Variants in CCBE1 observed in about 807,000 individuals in gnomAD.
CCBE1 encodes the protein collagen and calcium binding EGF domains 1.
CCBE1 carries 37 observed loss-of-function variants against 50.0 expected under a neutral mutation model. That is an observed-to-expected ratio of 0.74 (90% confidence interval 0.57 to 0.97). The LOEUF is 0.97. Among genes scored for constraint, CCBE1 ranks in the 50% least tolerant of loss-of-function variants. The pLI is 0.00. For synonymous variants in CCBE1, 234 were observed against 203.7 expected (o/e 1.15, Z -1.27); for missense variants, 538 against 523.8 (o/e 1.03, Z -0.26).
chr18:59,477,379 A>G (rs181337511), intron 3 of CCBE1, among the ~76,000 whole-genome samples: 31 of 152,358 alleles, frequency 2.0e-4, no homozygotes, highest in African/African-American at 7.5e-4. Context: ...AAGAACCACG[A>G]TCAGGCGAGG....
At chr18:59,563,157 A>T (rs1323611856) in intron 2 of CCBE1, among the ~76,000 whole-genome samples, 1 of 152,204 alleles carries the variant, frequency 6.6e-6, no homozygotes, top group African/African-American at 2.4e-5. Flanking sequence ...GCAGAGGTAA[A>T]GGTACAGGTC....
chr18:59,633,910 A>C (rs989171577), intron 2 of CCBE1, among the ~76,000 whole-genome samples: 3 of 152,236 alleles, frequency 2.0e-5, no homozygotes, highest in Non-Finnish European at 4.4e-5. Context: ...TGTTTATCAA[A>C]TTATAGATAC....
At chr18:59,658,374 T>A (rs1599109375) in intron 2 of CCBE1, among the ~76,000 whole-genome samples, 2 of 7,272 alleles carry the variant, frequency 2.8e-4, no homozygotes, top group African/African-American at 9.5e-4. Flanking sequence ...TATATATATA[T>A]ATATATATAT....
chr18:59,521,392 G>T (rs755039294), intron 2 of CCBE1, among the ~76,000 whole-genome samples: 9 of 152,168 alleles, frequency 5.9e-5, no homozygotes, highest in Non-Finnish European at 1.0e-4. Flanking sequence ...TGGATTGCAG[G>T]TGATTCTGGA....
At chr18:59,603,808 T>C (rs554741953) in intron 2 of CCBE1, among the ~76,000 whole-genome samples, 1 of 152,322 alleles carries the variant, frequency 6.6e-6, no homozygotes, top group South Asian at 2.1e-4. Context: ...AAGAGGAAGA[T>C]ACAAAGCAGC....
At chr18:59,648,443 C>T (rs541503392) in intron 2 of CCBE1, among the ~76,000 whole-genome samples, 162 of 152,310 alleles carry the variant, frequency 1.1e-3, no homozygotes, top group African/African-American at 3.6e-3. Flanking sequence ...TGGGGGCTCA[C>T]ACCTGTAGCC....
intron 2 of CCBE1, among the ~76,000 whole-genome samples, chr18:59,659,787 C>T (rs1292712234): frequency 6.6e-6 from 1 of 152,200 alleles, no homozygotes; most frequent in Non-Finnish European, 1.5e-5. Context: ...ACTTTTCCCA[C>T]TGCCAGCAAT....
intron 2 of CCBE1, among the ~76,000 whole-genome samples, chr18:59,623,327 C>T (rs1238934532): frequency 6.6e-6 from 1 of 152,212 alleles, no homozygotes; most frequent in Non-Finnish European, 1.5e-5. Context: ...TTTCTCCTCC[C>T]TTAATCAGTC....
At chr18:59,592,092 T>A (rs1419583360) in intron 2 of CCBE1, among the ~76,000 whole-genome samples, 1 of 152,154 alleles carries the variant, frequency 6.6e-6, no homozygotes, top group African/African-American at 2.4e-5. Context: ...GGCATCATAA[T>A]GTGCACCTGT....
At chr18:59,641,680 A>G (rs1013376765) in intron 2 of CCBE1, among the ~76,000 whole-genome samples, 1 of 152,240 alleles carries the variant, frequency 6.6e-6, no homozygotes, top group Non-Finnish European at 1.5e-5. Context: ...TACCAAAGAT[A>G]CATAAACATA....
intron 2 of CCBE1, among the ~76,000 whole-genome samples, chr18:59,632,613 G>C (rs147048062): frequency 6.6e-6 from 1 of 151,530 alleles, no homozygotes; most frequent in East Asian, 1.9e-4. Context: ...TTTTGAGATG[G>C]AGTCTTACTC....
intron 2 of CCBE1, among the ~76,000 whole-genome samples, chr18:59,548,031 A>T (rs1235183478): frequency 2.0e-5 from 3 of 152,232 alleles, no homozygotes; most frequent in Admixed American, 6.5e-5. Flanking sequence ...GAAGTGCTTT[A>T]AAGAACCGAA....
At chr18:59,465,532 T>C (rs1911700781) in intron 5 of CCBE1, 1 of 152,228 alleles carries the variant, frequency 6.6e-6, no homozygotes. Flanking sequence ...GCCCAGCTTT[T>C]AGAAATTTTC....
intron 3 of CCBE1, among the ~76,000 whole-genome samples, chr18:59,471,700 T>G (rs1319950760): frequency 6.6e-6 from 1 of 152,226 alleles, no homozygotes; most frequent in East Asian, 1.9e-4. Flanking sequence ...ATTATTCCTG[T>G]GTCAGTTGCC....
chr18:59,602,114 CT>C (rs369248982), intron 2 of CCBE1, among the ~76,000 whole-genome samples: 11,700 of 142,664 alleles, frequency 0.082, 1,144 homozygotes, highest in African/African-American at 0.24. Flanking sequence ...ATGTGAATTC[CT>C]TTTTTTTTTT....
At chr18:59,551,023 A>AAAAAAAAAAAAGAAAAAAG (rs1915904169) in intron 2 of CCBE1, among the ~76,000 whole-genome samples, 1 of 141,506 alleles carries the variant, frequency 7.1e-6, no homozygotes, top group African/African-American at 2.8e-5. Context: ...AAAAAAAAAA[A>AAAAAAAAAAAAGAAAAAAG]AAAAAAGAAA....
At chr18:59,627,567 C>A (rs571940965) in intron 2 of CCBE1, among the ~76,000 whole-genome samples, 2 of 152,138 alleles carry the variant, frequency 1.3e-5, no homozygotes, top group Non-Finnish European at 2.9e-5. Flanking sequence ...TGGCTTAGAG[C>A]GGGACCTAAT....
At position 59,432,802 on chromosome 18, in the gene CCBE1, T is replaced by C. The variant is rs1331084287; in HGVS notation, c.*3106A>G. ...TATTATTCTAGCCTATGGCCAAACATGCAGTTTGGTTGCATTTTATGAGCA... is the reference window on the plus strand; with the variant it reads ...TATTATTCTAGCCTATGGCCAAACACGCAGTTTGGTTGCATTTTATGAGCA... On this transcript the variant is annotated 3_prime_UTR_variant, in exon 11 of 11. Coordinates refer to ENST00000439986, the MANE Select transcript of CCBE1 (RefSeq NM_133459.4). 2.0e-5 allele frequency: 3 copies of C among 152,170 alleles called. No homozygotes were observed. Among genetic ancestry groups the C allele is most frequent in the African/African-American group, 7.2e-5 (3 of 41,436 alleles). The allele number at this position is 152,170 out of a possible 1,614,324, so 9.4% of individuals were successfully genotyped here. A position where few individuals can be genotyped will look rare whatever the true frequency, so the allele number is the denominator to read the frequency against.
chr18:59,457,303 A>G (rs1911241981), intron 5 of CCBE1, among the ~76,000 whole-genome samples: 1 of 152,164 alleles, frequency 6.6e-6, no homozygotes, highest in Non-Finnish European at 1.5e-5. Flanking sequence ...GGGAATAGGG[A>G]AGGGCTTGTA....
Sources: allele counts gnomAD v4.1 joint callset (sites outside exome capture counted in the v4.1 genomes callset), GRCh38; gene constraint gnomAD v4.1.1; transcripts MANE v1.5; gene names NCBI Gene and HGNC (gene_info 2026-07-23, HGNC 2026-07-21).